CUEDC1: variants seen among roughly 807,000 people sequenced by gnomAD.
The protein encoded by CUEDC1 is CUE domain-containing protein 1.
In CUEDC1, 30 loss-of-function variants were observed where a neutral mutation model predicts 43.7. The ratio of observed to expected loss-of-function variants is 0.69; its 90% CI spans 0.51 to 0.93. CUEDC1 has a LOEUF of 0.93. Among genes scored for constraint, CUEDC1 ranks in the 40% least tolerant of loss-of-function variants. The pLI, the probability that CUEDC1 is intolerant of heterozygous loss-of-function variation, is 0.00. For missense variants in CUEDC1, 486 were observed against 549.0 expected (o/e 0.89, Z 1.15); for synonymous variants, 223 against 223.6 (o/e 1.00, Z 0.02).
At chr17:57,866,403 C>A in intron 10 of CUEDC1, 71 bp downstream of exon 10, 4 of 1,441,778 alleles carry the variant, frequency 2.8e-6, no homozygotes, top group Non-Finnish European at 3.9e-6. Context: ...CCTGGGAGGA[C>A]ATGTGGGGTG....
rs948236121 is a variant in CUEDC1, at chr17:57,862,290, G to A, written c.*999C>T. ...CGCCCTTCTCAGGGGCACCCAGCAA[G>A]CCCTTATGCCCTAGGCGCTCACCCA... is the stretch of plus-strand genomic sequence containing the variant. On this transcript the variant is annotated 3_prime_UTR_variant, in exon 11 of 11. Coordinates refer to ENST00000577830, the MANE Select transcript of CUEDC1 (RefSeq NM_001271875.2). 1.3e-5 allele frequency: 2 copies of A among 153,266 alleles called. No homozygotes were observed. The highest frequency in any genetic ancestry group is 3.8e-4 in the East Asian group (2 of 5,210). 9.5% of individuals were successfully genotyped at this position (153,266 alleles called of 1,614,324 possible).
rs377591410 is a variant in CUEDC1 at position 57,949,253 on chromosome 17, G to A, written c.-316+5972C>T. On this transcript the variant is annotated intron_variant, in intron 1 of 10. Transcript: ENST00000577830. Reference sequence around the variant, plus strand: ...CCCTTCCTCAGTGCTTTGTCTTATCGCAGCACTTGCCACAGAAACTGAAAT... The same window carrying A: ...CCCTTCCTCAGTGCTTTGTCTTATCACAGCACTTGCCACAGAAACTGAAAT... 3.2e-4 allele frequency among the ~76,000 whole-genome samples: 49 copies of A among 152,210 alleles called. No individual in the cohort carries two copies. In the South Asian group the frequency reaches 5.0e-3, roughly 15 times the overall value.
chr17:57,887,949 G>A (rs1191658529), intron 1 of CUEDC1, among the ~76,000 whole-genome samples: 2 of 138,206 alleles, frequency 1.4e-5, no homozygotes, highest in Non-Finnish European at 3.0e-5. Context: ...AGCCCAGGCC[G>A]GAGTGCAGTG....
At chr17:57,951,218 A>G (rs1357222631) in intron 1 of CUEDC1, among the ~76,000 whole-genome samples, 2 of 152,092 alleles carry the variant, frequency 1.3e-5, no homozygotes, top group African/African-American at 2.4e-5. Context: ...GGCAATAATA[A>G]TAATAGCTTC....
At chr17:57,929,822 A>G (rs1165227434) in intron 1 of CUEDC1, among the ~76,000 whole-genome samples, 1 of 152,034 alleles carries the variant, frequency 6.6e-6, no homozygotes, top group Non-Finnish European at 1.5e-5. Flanking sequence ...CTTTTTTGAG[A>G]CGGAGTTTCG....
chr17:57,866,641 T>G (rs1303970649), intron 9 of CUEDC1, 97 bp from the exon 10 acceptor site: 1 of 1,215,952 alleles, frequency 8.2e-7, no homozygotes, highest in Non-Finnish European at 1.2e-6. Context: ...CGACTCTCTC[T>G]GCCCCCTTCA....
chr17:57,869,524 G>A (rs2074007882), intron 6 of CUEDC1, among the ~76,000 whole-genome samples: 1 of 152,186 alleles, frequency 6.6e-6, no homozygotes, highest in African/African-American at 2.4e-5. Flanking sequence ...CACCATGGAG[G>A]TCACCAAGCA....
At chr17:57,934,794 A>T (rs914721137) in intron 1 of CUEDC1, among the ~76,000 whole-genome samples, 30 of 152,074 alleles carry the variant, frequency 2.0e-4, no homozygotes, top group African/African-American at 7.0e-4. Flanking sequence ...TGCAGCCTCT[A>T]CCTCCCAGAT....
intron 1 of CUEDC1, among the ~76,000 whole-genome samples, chr17:57,899,028 C>T (rs944885059): frequency 1.3e-5 from 2 of 152,150 alleles, no homozygotes; most frequent in African/African-American, 4.8e-5. Context: ...TCAGAAATGC[C>T]TTCTCTGGCA....
intron 1 of CUEDC1, among the ~76,000 whole-genome samples, chr17:57,904,179 C>T (rs2074503644): frequency 1.3e-5 from 2 of 152,212 alleles, no homozygotes; most frequent in South Asian, 4.1e-4. Context: ...TTCCTGCACC[C>T]CCTTGCCAAA....
intron 1 of CUEDC1, among the ~76,000 whole-genome samples, chr17:57,887,098 G>A (rs1021649702): frequency 6.6e-6 from 1 of 152,126 alleles, no homozygotes; most frequent in East Asian, 1.9e-4. Context: ...TGGGATTACA[G>A]GCGTGAGCCA....
intron 1 of CUEDC1, among the ~76,000 whole-genome samples, chr17:57,922,931 A>C (rs1598011621): frequency 1.3e-5 from 2 of 150,362 alleles, no homozygotes; most frequent in Admixed American, 1.3e-4. Context: ...GCTGCAGTAC[A>C]GTGGCATGAA....
chr17:57,951,900 TAAGA>T, intron 1 of CUEDC1, among the ~76,000 whole-genome samples: 1 of 152,236 alleles, frequency 6.6e-6, no homozygotes, highest in Non-Finnish European at 1.5e-5. Flanking sequence ...GCTTTAAAGA[TAAGA>T]CATTTAGCTG....
chr17:57,885,697 G>C lies in CUEDC1; in HGVS notation c.-133C>G, dbSNP rs773404075. The C allele has an allele frequency of 4.7e-6, 6 of 1,287,362 alleles. No homozygotes were observed. Among genetic ancestry groups the C allele is most frequent in the Non-Finnish European group, 4.9e-6 (5 of 1,017,146 alleles). 79.7% of individuals were successfully genotyped at this position (1,287,362 alleles called of 1,614,324 possible). On this transcript the variant is annotated 5_prime_UTR_variant, in exon 2 of 11. Transcript: ENST00000577830. ...TCCTGCGCCTCCTCCTCCCCGGGTA[G>C]CCAGGCAGCAATGGGCTGCCAAGAG...
Position 57,873,806 on chromosome 17 carries a change from C to A in CUEDC1, c.465-89G>T. On this transcript the variant is annotated intron_variant, in intron 3 of 10. Transcript: ENST00000577830. ...CATCACACCAGGTCCTCAGGCAGGT[C>A]GGATCCTGCTCAGAGATTCCCATGG... 5 of 1,348,976 alleles carry A rather than the reference C, an allele frequency of 3.7e-6. No individual in the cohort carries two copies. The East Asian group carries it at 8.2e-5, about 22-fold the overall frequency. 83.6% of individuals were successfully genotyped at this position (1,348,976 alleles called of 1,614,324 possible).
At chr17:57,945,094 G>A (rs906197451) in intron 1 of CUEDC1, among the ~76,000 whole-genome samples, 4 of 152,150 alleles carry the variant, frequency 2.6e-5, no homozygotes, top group Non-Finnish European at 4.4e-5. Context: ...TGTAGGCATG[G>A]CCTAAGACAC....
chr17:57,902,232 G>A (rs887084932), intron 1 of CUEDC1, among the ~76,000 whole-genome samples: 7 of 151,818 alleles, frequency 4.6e-5, no homozygotes, highest in African/African-American at 1.7e-4. Flanking sequence ...AAAAAACCAT[G>A]ATGCATTCAG....
chr17:57,920,076 G>C (rs2074684221), intron 1 of CUEDC1, among the ~76,000 whole-genome samples: 2 of 152,154 alleles, frequency 1.3e-5, no homozygotes, highest in South Asian at 4.1e-4. Flanking sequence ...TGATCCACAG[G>C]CATGGAAAGC....
intron 1 of CUEDC1, among the ~76,000 whole-genome samples, chr17:57,923,502 G>A (rs1028210775): frequency 2.0e-5 from 3 of 152,238 alleles, no homozygotes; most frequent in Non-Finnish European, 4.4e-5. Context: ...GGGAGAGTCA[G>A]AAGGCAAGGG....
Sources: allele counts gnomAD v4.1 joint callset (sites outside exome capture counted in the v4.1 genomes callset), GRCh38; gene constraint gnomAD v4.1.1; transcripts MANE v1.5; gene names NCBI Gene and HGNC (gene_info 2026-07-23, HGNC 2026-07-21).